The following FER1L6 variants were observed in gnomAD, a reference collection of about 807,000 sequenced individuals.
FER1L6 encodes fer-1 like family member 6, also known as fer-1-like protein 6.
FER1L6 carries 177 observed loss-of-function variants against 219.2 expected under a neutral mutation model. The ratio of observed to expected loss-of-function variants is 0.81; its 90% CI spans 0.71 to 0.91. The LOEUF (loss-of-function observed/expected upper bound fraction) is 0.91. Among genes scored for constraint, FER1L6 ranks in the 40% least tolerant of loss-of-function variants. FER1L6 has a pLI of 0.00. For missense variants in FER1L6, 2,153 were observed against 2,259.9 expected (o/e 0.95, Z 0.96); for synonymous variants, 768 against 824.3 (o/e 0.93, Z 1.17).
At chr8:123,914,123 C>T (rs1813118929) in intron 1 of FER1L6, among the ~76,000 whole-genome samples, 1 of 152,176 alleles carries the variant, frequency 6.6e-6, no homozygotes. Flanking sequence ...GTTGCACTAG[C>T]CACATTTCAA....
intron 33 of FER1L6, among the ~76,000 whole-genome samples, chr8:124,090,109 A>G (rs915953704): frequency 6.6e-6 from 1 of 152,200 alleles, no homozygotes; most frequent in Non-Finnish European, 1.5e-5. Flanking sequence ...ACATTTTGGG[A>G]CTTTTAATAC....
Position 123,975,965 on chromosome 8 carries a change from A to G in FER1L6, c.751A>G (p.Lys251Glu). ...PWARFYVRLYKAEGLPKMNSS... is the reference protein window; with the variant it reads ...PWARFYVRLYEAEGLPKMNSS... ...GGCCAGATTCTATGTGAGACTCTAC[A>G]AAGCAGAAGGGTTGCCCAAAATGAA... is the stretch of plus-strand genomic sequence containing the variant. Residue 251 changes from lysine (K) to glutamate (E), a missense_variant, in exon 9 of 41, where the codon AAA becomes GAA. Coordinates refer to ENST00000522917, the MANE Select transcript of FER1L6 (RefSeq NM_001039112.2). The G allele has an allele frequency of 6.2e-7, 1 of 1,614,042 alleles. No individual in the cohort carries two copies. The highest frequency in any genetic ancestry group is 8.5e-7 in the Non-Finnish European group (1 of 1,179,964).
At chr8:123,925,804 C>T (rs1303257734) in intron 1 of FER1L6, 2 of 152,160 alleles carry the variant, frequency 1.3e-5, no homozygotes, top group Non-Finnish European at 1.5e-5. Flanking sequence ...TAACAGAATG[C>T]TTTGCTTACA....
chr8:123,970,792 G>A (rs555337750), intron 6 of FER1L6, among the ~76,000 whole-genome samples: 1 of 152,300 alleles, frequency 6.6e-6, no homozygotes, highest in East Asian at 1.9e-4. Flanking sequence ...ATGGGAAGGG[G>A]AAGTGCCCAT....
chr8:124,022,469 A>T (rs1818496903), intron 17 of FER1L6, among the ~76,000 whole-genome samples: 1 of 152,230 alleles, frequency 6.6e-6, no homozygotes, highest in Admixed American at 6.5e-5. Flanking sequence ...AACACCCATA[A>T]CATAATGGGC....
chr8:124,017,149 C>A (rs746726016), intron 15 of FER1L6, among the ~76,000 whole-genome samples: 4 of 152,174 alleles, frequency 2.6e-5, no homozygotes, highest in Non-Finnish European at 5.9e-5. Flanking sequence ...CATTCACAAT[C>A]TTTACTATTT....
chr8:123,980,409 G>A (rs1563722511), intron 10 of FER1L6, 56 bp from the exon 11 acceptor site: 2 of 1,388,872 alleles, frequency 1.4e-6, no homozygotes, highest in Non-Finnish European at 2.0e-6. Flanking sequence ...ATGAATGTGT[G>A]CAACTTTTAT....
chr8:123,973,410 A>T, intron 6 of FER1L6, 24 bp from the exon 7 acceptor site: 1 of 1,590,616 alleles, frequency 6.3e-7, no homozygotes, highest in Non-Finnish European at 8.6e-7. Flanking sequence ...AATCTGCCAT[A>T]CTCCCTGCTC....
chr8:124,039,884 C>G lies in FER1L6; in HGVS notation c.2467C>G (p.Gln823Glu), dbSNP rs1819400964. Reference protein sequence around the residue: ...HPPSNLLYQEQHVFQLRAHMY... With the variant: ...HPPSNLLYQEEHVFQLRAHMY... ...CCCCTTCCATGATTTGTCCACAGAA[C>G]AGCATGTTTTTCAGCTGAGGGCTCA... Residue 823 changes from glutamine (Q) to glutamate (E), a missense_variant and splice_region_variant, in exon 20 of 41, where the codon CAG becomes GAG. By Grantham distance (29) the Gln-to-Glu change is conservative. Coordinates refer to ENST00000522917, the MANE Select transcript of FER1L6 (RefSeq NM_001039112.2). 2 of 1,613,974 alleles carry G rather than the reference C, an allele frequency of 1.2e-6. No homozygotes were observed. Among genetic ancestry groups the G allele is most frequent in the Admixed American group, 1.7e-5 (1 of 60,002 alleles).
chr8:123,908,664 C>T (rs1248858524), intron 1 of FER1L6, among the ~76,000 whole-genome samples: 1 of 152,112 alleles, frequency 6.6e-6, no homozygotes, highest in Non-Finnish European at 1.5e-5. Context: ...AGTGTGGGAA[C>T]ACACAGATGA....
chr8:123,920,854 G>T (rs1586467071), intron 1 of FER1L6, among the ~76,000 whole-genome samples: 2 of 152,130 alleles, frequency 1.3e-5, no homozygotes, highest in African/African-American at 4.8e-5. Context: ...CTTCCTCTCA[G>T]CCCCTGGCAA....
intron 3 of FER1L6, among the ~76,000 whole-genome samples, chr8:123,965,015 A>T (rs576713956): frequency 4.1e-4 from 62 of 152,336 alleles, no homozygotes; most frequent in African/African-American, 1.4e-3. Flanking sequence ...TTCACATAAT[A>T]AATAATCAGT....
chr8:124,101,599 T>C (rs957545965), intron 38 of FER1L6, among the ~76,000 whole-genome samples: 1 of 152,214 alleles, frequency 6.6e-6, no homozygotes, highest in Non-Finnish European at 1.5e-5. Context: ...TAATTACTGG[T>C]CTGCTCTGTG....
At chr8:124,089,473 T>C (rs1006672446) in intron 33 of FER1L6, among the ~76,000 whole-genome samples, 8 of 152,260 alleles carry the variant, frequency 5.3e-5, no homozygotes, top group African/African-American at 1.7e-4. Flanking sequence ...AACCAGGTAC[T>C]GTGATTGCTC....
intron 1 of FER1L6, among the ~76,000 whole-genome samples, chr8:123,937,657 C>A (rs1449556232): frequency 1.3e-5 from 2 of 152,106 alleles, no homozygotes; most frequent in African/African-American, 2.4e-5. Context: ...AAAGGAACTT[C>A]TTTCTGATTC....
At chr8:124,005,395 G>C (rs1227083094) in intron 13 of FER1L6, among the ~76,000 whole-genome samples, 1 of 152,218 alleles carries the variant, frequency 6.6e-6, no homozygotes, top group Non-Finnish European at 1.5e-5. Context: ...CCCCATGGCA[G>C]TATCCCAATA....
chr8:123,964,390 G>A (rs760787354), intron 3 of FER1L6, among the ~76,000 whole-genome samples: 30 of 152,108 alleles, frequency 2.0e-4, no homozygotes, highest in African/African-American at 7.0e-4. Context: ...GGCTGATCCT[G>A]AGTTGTTGTT....
At chr8:123,933,403 T>TG (rs896246667) in intron 1 of FER1L6, among the ~76,000 whole-genome samples, 1 of 84,386 alleles carries the variant, frequency 1.2e-5, no homozygotes, top group Non-Finnish European at 2.4e-5. Flanking sequence ...TGTGTGTGTC[T>TG]GTGTGTGTGT....
At chr8:124,062,740 C>T (rs1482380539) in intron 25 of FER1L6, among the ~76,000 whole-genome samples, 1 of 152,106 alleles carries the variant, frequency 6.6e-6, no homozygotes, top group Non-Finnish European at 1.5e-5. Context: ...TGTGTGTTCC[C>T]TGAGGGAAGA....
Sources: allele counts gnomAD v4.1 joint callset (sites outside exome capture counted in the v4.1 genomes callset), GRCh38; gene constraint gnomAD v4.1.1; transcripts MANE v1.5; gene names NCBI Gene and HGNC (gene_info 2026-07-23, HGNC 2026-07-21).